The following BCKDHA variants were observed in gnomAD, a reference collection of about 807,000 sequenced individuals.
BCKDHA encodes the protein branched chain keto acid dehydrogenase E1 subunit alpha.
BCKDHA carries 43 observed loss-of-function variants against 52.2 expected under a neutral mutation model. That is an observed-to-expected ratio of 0.82 (90% CI 0.64 to 1.06). The LOEUF (loss-of-function observed/expected upper bound fraction) is 1.06, where lower values mean the gene tolerates loss of function less well. BCKDHA is among the 50% of genes least tolerant of loss of function. The probability of loss-of-function intolerance (pLI) is 0.00; values close to 1 mark genes in which losing one functional copy is unlikely to be tolerated. For missense variants in BCKDHA, 527 were observed against 621.3 expected (o/e 0.85, Z 1.61); for synonymous variants, 234 against 247.9 (o/e 0.94, Z 0.53).
chr19:41,400,622 G>C (rs940492678), intron 1 of BCKDHA, among the ~76,000 whole-genome samples: 1 of 151,998 alleles, frequency 6.6e-6, no homozygotes, highest in Non-Finnish European at 1.5e-5. Flanking sequence ...GGACTCAAGC[G>C]ATCTTCCTGC....
rs192937682 is a variant in BCKDHA, at chr19:41,406,837, T to A, written c.109-3800T>A. Among the ~76,000 whole-genome samples, 903 of 152,344 alleles carry A rather than the reference T, an allele frequency of 5.9e-3. 4 individuals are homozygous for A. Among genetic ancestry groups the A allele is most frequent in the Middle Eastern group, 0.017 (5 of 294 alleles). On this transcript the variant is annotated intron_variant, in intron 1 of 8. Transcript: ENST00000269980. ...TGCCTGCCTCGGACTCCCAAAGTGC[T>A]GGGATTACAGGCGTGAGCCACCACG...
At chr19:41,424,387 G>C in intron 8 of BCKDHA, 51 bp from the exon 9 acceptor site, 3 of 1,607,080 alleles carry the variant, frequency 1.9e-6, no homozygotes, top group Non-Finnish European at 1.7e-6. Flanking sequence ...GAGGAAGCAG[G>C]GTCCTGCATG....
chr19:41,419,203 T>C lies in BCKDHA; in HGVS notation c.553T>C (p.Leu185=). The change falls in exon 5 of 9, where the codon TTG becomes CTG. Residue 185 remains leucine (L), a synonymous_variant. Transcript: ENST00000269980. ...MAQCYGNISD[L]GKGRQMPVHY... ...CCAGTGCTATGGCAACATCAGTGAC[T>C]TGGGCAAGGGGCGCCAGATGCCTGT... 6.2e-7 allele frequency: 1 copy of C among 1,614,234 alleles called. No homozygotes were observed. Among genetic ancestry groups the C allele is most frequent in the Non-Finnish European group, 8.5e-7 (1 of 1,180,034 alleles).
chr19:41,407,343 C>T (rs2123248139), intron 1 of BCKDHA, among the ~76,000 whole-genome samples: 1 of 152,280 alleles, frequency 6.6e-6, no homozygotes, highest in African/African-American at 2.4e-5. Context: ...AGTTGAACTC[C>T]AGAGCCAGGG....
At chr19:41,407,482 A>C (rs1297957175) in intron 1 of BCKDHA, among the ~76,000 whole-genome samples, 1 of 152,082 alleles carries the variant, frequency 6.6e-6, no homozygotes, top group Non-Finnish European at 1.5e-5. Context: ...GAAACAAAGC[A>C]ATCTTCTAGG....
intron 1 of BCKDHA, among the ~76,000 whole-genome samples, chr19:41,398,488 C>G (rs2039101688): frequency 6.6e-6 from 1 of 152,132 alleles, no homozygotes; most frequent in African/African-American, 2.4e-5. Context: ...AATATCAAGA[C>G]AGAGAATTCG....
intron 1 of BCKDHA, among the ~76,000 whole-genome samples, chr19:41,406,680 C>T (rs2039196832): frequency 6.6e-6 from 1 of 152,088 alleles, no homozygotes; most frequent in Admixed American, 6.6e-5. Flanking sequence ...AGCCATTCTC[C>T]TGCCTCAGCC....
chr19:41,412,372 A>T (rs961940550), intron 3 of BCKDHA, among the ~76,000 whole-genome samples: 3 of 63,362 alleles, frequency 4.7e-5, no homozygotes, highest in Non-Finnish European at 1.0e-4. Context: ...CTCTGTCTGT[A>T]GATATTTCTT....
intron 7 of BCKDHA, 98 bp from the exon 8 acceptor site, chr19:41,422,900 C>T (rs536574384): frequency 5.4e-5 from 85 of 1,572,286 alleles, no homozygotes; most frequent in African/African-American, 8.1e-5. Flanking sequence ...GCCTTTATTC[C>T]GTTTCCACTC....
intron 5 of BCKDHA, among the ~76,000 whole-genome samples, chr19:41,420,411 C>T (rs1237616862): frequency 6.6e-6 from 1 of 152,098 alleles, no homozygotes; most frequent in Non-Finnish European, 1.5e-5. Flanking sequence ...GGAGCCTGGC[C>T]AACATGGCAA....
chr19:41,420,975 C>G (rs2039358134), intron 5 of BCKDHA, among the ~76,000 whole-genome samples: 1 of 152,230 alleles, frequency 6.6e-6, no homozygotes, highest in South Asian at 2.1e-4. Context: ...TGTGTCTCTC[C>G]AGGCCTCAGC....
chr19:41,398,077 C>T (rs2039096252), intron 1 of BCKDHA, 142 bp downstream of exon 1: 1 of 689,174 alleles, frequency 1.5e-6, no homozygotes, highest in East Asian at 2.7e-5. Flanking sequence ...GGAGAAGACA[C>T]CGAAGGGAAG....
At chr19:41,417,450 ACCTT>A (rs2039318132) in intron 4 of BCKDHA, among the ~76,000 whole-genome samples, 1 of 151,886 alleles carries the variant, frequency 6.6e-6, no homozygotes, top group South Asian at 2.1e-4. Context: ...CCTCTACAAG[ACCTT>A]TCTTTCCCTC....
At position 41,411,089 on chromosome 19, in the gene BCKDHA, C is replaced by T. The variant is rs368479345; in HGVS notation, c.375+80C>T. The stretch of plus-strand genomic sequence containing the variant: ...CTGTGTTTGGGCCAAAGGAATGGCT[C>T]CCAAGGAGGACAGATTCTTTTTTGG... On this transcript the variant is annotated intron_variant, in intron 3 of 8. Transcript: ENST00000269980. 35 of 1,464,086 alleles carry T rather than the reference C, an allele frequency of 2.4e-5. No homozygotes were observed. In the African/African-American group the frequency reaches 4.2e-4, roughly 18 times the overall value. 90.7% of individuals were successfully genotyped at this position (1,464,086 alleles called of 1,614,324 possible). A position where few individuals can be genotyped will look rare whatever the true frequency, so the allele number is the denominator to read the frequency against.
Position 41,414,125 on chromosome 19 carries a change from C to T in BCKDHA, c.452C>T (p.Thr151Met), listed in dbSNP as rs34442879. Reference protein sequence around the residue: ...HVGSAAALDNTDLVFGQYREA... With the variant: ...HVGSAAALDNMDLVFGQYREA... ...GGGAGTGCCGCCGCCCTGGACAACA[C>T]GGACCTGGTGTTTGGCCAGTACCGG... Residue 151 changes from threonine (T) to methionine (M), a missense_variant, in exon 4 of 9, where the codon ACG (threonine) becomes ATG (methionine). Physicochemically the swap from Thr to Met is moderately conservative, Grantham distance 81. Transcript: ENST00000269980. 8.9e-3 allele frequency: 14,284 copies of T among 1,613,696 alleles called. 98 individuals carry two copies. Among genetic ancestry groups the T allele is most frequent in the Middle Eastern group, 0.048 (288 of 6,062 alleles).
chr19:41,408,842 C>T (rs1274134865), intron 1 of BCKDHA, among the ~76,000 whole-genome samples: 1 of 152,038 alleles, frequency 6.6e-6, no homozygotes, highest in South Asian at 2.1e-4. Flanking sequence ...CCTGGGCTCA[C>T]CTGGGCTCAA....
Position 41,410,646 on chromosome 19 carries a change from A to G in BCKDHA, c.118A>G (p.Arg40Gly). The G allele has an allele frequency of 6.2e-7, 1 of 1,614,090 alleles. No individual in the cohort carries two copies. The highest frequency in any genetic ancestry group is 8.5e-7 in the Non-Finnish European group (1 of 1,180,010). Residue 40 changes from arginine (R) to glycine (G), a missense_variant, in exon 2 of 9, where the codon AGG becomes GGG. By Grantham distance (125) the Arg-to-Gly change is moderately radical. Transcript: ENST00000269980. ...ARGLARSHPP[R>G]QQQQFSSLDD... ...CTGCTCTCTTCCCCAGCACCCCCCCAGGCAGCAGCAGCAGTTTTCATCTCT... is the reference window on the plus strand; with the variant it reads ...CTGCTCTCTTCCCCAGCACCCCCCCGGGCAGCAGCAGCAGTTTTCATCTCT...
intron 4 of BCKDHA, among the ~76,000 whole-genome samples, chr19:41,415,919 T>TTACAG (rs2039303647): frequency 6.8e-6 from 1 of 147,600 alleles, no homozygotes; most frequent in African/African-American, 2.5e-5. Context: ...AGTGCTGGGA[T>TTACAG]TACAGGCGTG....
intron 4 of BCKDHA, among the ~76,000 whole-genome samples, chr19:41,418,172 C>T (rs1416845655): frequency 6.7e-6 from 1 of 149,908 alleles, no homozygotes; most frequent in Non-Finnish European, 1.5e-5. Flanking sequence ...AGAGCGGGTT[C>T]TGCGGTAAAG....
Sources: gnomAD v4.1 joint callset for allele counts (sites outside exome capture counted in the v4.1 genomes callset) on GRCh38, gnomAD v4.1.1 for gene constraint, MANE v1.5 for transcripts, NCBI Gene and HGNC (gene_info 2026-07-23, HGNC 2026-07-21) for gene names.